Variants in HDAC9 observed in about 807,000 individuals in gnomAD.
The protein encoded by HDAC9 is MEF-2 interacting transcription repressor (MITR) protein.
Under a neutral mutation model 139.4 loss-of-function variants are expected in HDAC9, and 41 were observed. The observed-to-expected ratio is 0.29, with a 90% confidence interval of 0.23 to 0.38. HDAC9 has a LOEUF of 0.38. Among genes scored for constraint, HDAC9 ranks in the 10% least tolerant of loss-of-function variants. The probability of loss-of-function intolerance (pLI) is 1.00; values close to 1 mark genes in which losing one functional copy is unlikely to be tolerated. For synonymous variants in HDAC9, 517 were observed against 476.2 expected (o/e 1.09, Z -1.12); for missense variants, 1,147 against 1,297.0 (o/e 0.88, Z 1.78).
At chr7:18,510,125 C>T (rs567957811) in intron 2 of HDAC9, among the ~76,000 whole-genome samples, 2 of 152,130 alleles carry the variant, frequency 1.3e-5, no homozygotes, top group African/African-American at 2.4e-5. Context: ...GAGCTTTTTG[C>T]CCCCAAATTA....
intron 1 of HDAC9, among the ~76,000 whole-genome samples, chr7:18,329,618 C>T (rs1800753339): frequency 6.6e-6 from 1 of 151,120 alleles, no homozygotes; most frequent in Non-Finnish European, 1.5e-5. Flanking sequence ...ATACTGGTCT[C>T]TGATATTCTG....
chr7:18,761,172 C>T (rs755622273), intron 14 of HDAC9, among the ~76,000 whole-genome samples: 3 of 152,210 alleles, frequency 2.0e-5, no homozygotes, highest in East Asian at 1.9e-4. Context: ...TAATTAACTT[C>T]GTGCACCAGC....
intron 22 of HDAC9, among the ~76,000 whole-genome samples, chr7:18,895,491 G>C (rs1482152190): frequency 6.6e-6 from 1 of 152,038 alleles, no homozygotes; most frequent in Non-Finnish European, 1.5e-5. Context: ...AAAGAGTTCT[G>C]ATTTTTGTTA....
chr7:18,446,523 T>C (rs1360327415), intron 1 of HDAC9, among the ~76,000 whole-genome samples: 1 of 152,230 alleles, frequency 6.6e-6, no homozygotes, highest in Non-Finnish European at 1.5e-5. Flanking sequence ...TTAGGTTTTT[T>C]AATTACAAAA....
At chr7:18,665,776 A>G (rs756389643) in intron 11 of HDAC9, among the ~76,000 whole-genome samples, 5 of 152,162 alleles carry the variant, frequency 3.3e-5, no homozygotes, top group Non-Finnish European at 7.4e-5. Context: ...TCTGGCTTTC[A>G]TAGCGTTTAA....
chr7:18,200,460 C>T (rs113220520), intron 2 of HDAC9, among the ~76,000 whole-genome samples: 2 of 152,128 alleles, frequency 1.3e-5, no homozygotes, highest in South Asian at 2.1e-4. Context: ...CTTGTGGGTT[C>T]TGTGTCAGTG....
chr7:18,879,553 C>G (rs765079964), intron 22 of HDAC9, among the ~76,000 whole-genome samples: 1 of 152,058 alleles, frequency 6.6e-6, no homozygotes, highest in Non-Finnish European at 1.5e-5. Flanking sequence ...CAGAAACAAG[C>G]AATGGGGAGA....
At chr7:18,969,927 A>C (rs1308074329) in intron 24 of HDAC9, among the ~76,000 whole-genome samples, 1 of 152,214 alleles carries the variant, frequency 6.6e-6, no homozygotes, top group Non-Finnish European at 1.5e-5. Context: ...GACATTTGGA[A>C]TAAAATAGTT....
At chr7:18,654,694 A>T (rs1220017093) in intron 11 of HDAC9, among the ~76,000 whole-genome samples, 2 of 152,142 alleles carry the variant, frequency 1.3e-5, no homozygotes, top group African/African-American at 4.8e-5. Context: ...GAAAATTCAC[A>T]GTTAAAAACA....
At chr7:18,683,289 A>AC (rs1292041691) in intron 12 of HDAC9, among the ~76,000 whole-genome samples, 3 of 152,004 alleles carry the variant, frequency 2.0e-5, no homozygotes, top group African/African-American at 7.3e-5. Flanking sequence ...CTAAATGAAA[A>AC]AAATAAAAAA....
intron 16 of HDAC9, among the ~76,000 whole-genome samples, chr7:18,768,415 C>T (rs1790009676): frequency 6.6e-6 from 1 of 152,140 alleles, no homozygotes; most frequent in South Asian, 2.1e-4. Context: ...TGTGGTATAA[C>T]CCCTTTGTGA....
At chr7:18,318,866 G>C (rs1446232896) in intron 1 of HDAC9, among the ~76,000 whole-genome samples, 1 of 152,156 alleles carries the variant, frequency 6.6e-6, no homozygotes, top group Non-Finnish European at 1.5e-5. Context: ...ATAACGACTA[G>C]TATAGTGCTT....
At position 18,380,553 on chromosome 7, in the gene HDAC9, T is replaced by C. The variant is rs138378307; in HGVS notation, c.-42+90038T>C. Reference sequence around the variant, plus strand: ...TGTATAGAGAGGAAGGATGCAGCAATTGACTGTATGGCTTCTCCTTTGGCC... The same window carrying C: ...TGTATAGAGAGGAAGGATGCAGCAACTGACTGTATGGCTTCTCCTTTGGCC... On this transcript the variant is annotated intron_variant, in intron 1 of 3. Transcript: ENST00000413509. Among the ~76,000 whole-genome samples the C allele has an allele frequency of 1.3e-3, 193 of 152,274 alleles. 1 individual carries two copies. The highest frequency in any genetic ancestry group is 4.4e-3 in the African/African-American group (181 of 41,558).
chr7:18,355,950 A>G (rs1314224616), intron 1 of HDAC9, among the ~76,000 whole-genome samples: 2 of 152,144 alleles, frequency 1.3e-5, no homozygotes, highest in Non-Finnish European at 2.9e-5. Flanking sequence ...GGCTAGAGGG[A>G]TCTTACTGCA....
intron 22 of HDAC9, among the ~76,000 whole-genome samples, chr7:18,915,962 G>A (rs376635948): frequency 1.4e-5 from 2 of 147,216 alleles, no homozygotes; most frequent in Non-Finnish European, 3.0e-5. Context: ...TTAAGGCTTC[G>A]CATCAGCCTT....
chr7:18,934,223 A>G (rs781330899), intron 22 of HDAC9, among the ~76,000 whole-genome samples: 25 of 152,104 alleles, frequency 1.6e-4, no homozygotes, highest in Non-Finnish European at 2.2e-4. Flanking sequence ...TATTCTTCAA[A>G]GTGAACACAA....
chr7:18,266,045 A>G (rs949677613), intron 2 of HDAC9, among the ~76,000 whole-genome samples: 4 of 152,134 alleles, frequency 2.6e-5, no homozygotes, highest in Non-Finnish European at 5.9e-5. Context: ...TCTATCTTGC[A>G]CTTTGAATGG....
At chr7:18,609,799 G>A (rs530055016) in intron 6 of HDAC9, among the ~76,000 whole-genome samples, 1 of 125,208 alleles carries the variant, frequency 8.0e-6, no homozygotes, top group Admixed American at 9.4e-5. Flanking sequence ...CTCCGTGACA[G>A]GCCCCGGTGT....
At chr7:18,507,289 C>T (rs1800085850) in intron 2 of HDAC9, among the ~76,000 whole-genome samples, 1 of 151,146 alleles carries the variant, frequency 6.6e-6, no homozygotes, top group South Asian at 2.1e-4. Context: ...CTCCCGGGTT[C>T]ACACCAATCT....
Sources: allele counts gnomAD v4.1 joint callset (sites outside exome capture counted in the v4.1 genomes callset), GRCh38; gene constraint gnomAD v4.1.1; transcripts MANE v1.5; gene names NCBI Gene and HGNC (gene_info 2026-07-23, HGNC 2026-07-21).